The following DSC3 variants were observed in gnomAD, a reference collection of about 807,000 sequenced individuals.
DSC3 encodes desmocollin-3.
Under a neutral mutation model 89.5 loss-of-function variants are expected in DSC3, and 97 were observed. That is an observed-to-expected ratio of 1.08 (90% confidence interval 0.92 to 1.28). The LOEUF (loss-of-function observed/expected upper bound fraction) is 1.28, where lower values mean the gene tolerates loss of function less well. DSC3 is among the 50% of genes most tolerant of loss of function. DSC3 has a pLI of 0.00. For missense variants in DSC3, 1,199 were observed against 1,085.3 expected, an observed-to-expected ratio of 1.10 and a Z score of -1.47; for synonymous variants, 436 against 384.1, an observed-to-expected ratio of 1.14 and a Z score of -1.58.
intron 14 of DSC3, 118 bp from the exon 15 acceptor site, chr18:30,997,166 TCAACAGA>T: frequency 8.0e-7 from 1 of 1,253,244 alleles, no homozygotes; most frequent in Non-Finnish European, 1.1e-6. Flanking sequence ...ATTCATTCAT[TCAACAGA>T]CATTTATCAG....
rs1279857388 is a variant in DSC3, at chr18:31,026,022, G to T, written c.475-107C>A. 16 of 1,089,344 alleles carry T rather than the reference G, an allele frequency of 1.5e-5. No homozygotes were observed. In the African/African-American group the frequency reaches 2.6e-4, roughly 17 times the overall value. 67.5% of individuals were successfully genotyped at this position (1,089,344 alleles called of 1,614,324 possible). On this transcript the variant is annotated intron_variant, in intron 4 of 15. Coordinates refer to ENST00000360428, the MANE Select transcript of DSC3 (RefSeq NM_001941.5). Reference sequence around the variant, plus strand: ...TTATTTTAAAGAGATAATTTCAAAAGAAAAGGTAGAAAAGAACAATAATAA... The same window carrying T: ...TTATTTTAAAGAGATAATTTCAAAATAAAAGGTAGAAAAGAACAATAATAA...
At chr18:31,021,011 C>A (rs1055986754) in intron 7 of DSC3, among the ~76,000 whole-genome samples, 1 of 151,734 alleles carries the variant, frequency 6.6e-6, no homozygotes, top group African/African-American at 2.4e-5. Flanking sequence ...TTCCCGTATG[C>A]TTTAAGAATC....
chr18:31,021,366 A>G (rs1051862269), intron 7 of DSC3, among the ~76,000 whole-genome samples: 68 of 152,122 alleles, frequency 4.5e-4, no homozygotes, highest in African/African-American at 1.5e-3. Flanking sequence ...AAACTTTCCC[A>G]CTTACTATTA....
In DSC3 at chr18:31,018,617, A is replaced by G. The variant is rs1332523330; in HGVS notation, c.1077+49T>C. On this transcript the variant is annotated intron_variant, in intron 8 of 15. Transcript: ENST00000360428. ...AATTTTATTAATTCAGTTTAAATAA[A>G]AAATGATAGCAGATAAGACAGAGGC... 4 of 1,580,688 alleles carry G rather than the reference A, an allele frequency of 2.5e-6. No homozygotes were observed. The South Asian group carries it at 3.3e-5, about 13-fold the overall frequency.
intron 4 of DSC3, among the ~76,000 whole-genome samples, chr18:31,028,524 T>C (rs1273416201): frequency 6.6e-6 from 1 of 152,034 alleles, no homozygotes; most frequent in African/African-American, 2.4e-5. Flanking sequence ...AATAAAGTTA[T>C]AATATTCATG....
intron 5 of DSC3, 151 bp from the exon 6 acceptor site, chr18:31,024,644 A>C (rs1212223199): frequency 1.2e-6 from 1 of 829,016 alleles, no homozygotes; most frequent in East Asian, 2.7e-5. Context: ...TCAAAGCACC[A>C]AATGGAGAAA....
chr18:31,017,975 T>C lies in DSC3; in HGVS notation c.1263+96A>G. The C allele has an allele frequency of 6.6e-6, 7 of 1,055,764 alleles. No individual in the cohort carries two copies. The South Asian group carries it at 8.8e-5, about 13-fold the overall frequency. The allele number at this position is 1,055,764 out of a possible 1,614,324, so 65.4% of individuals were successfully genotyped here. On this transcript the variant is annotated intron_variant, in intron 9 of 15. Transcript: ENST00000360428. ...AATAGATTTTAAATTTTCTTCCAAC[T>C]TGTAGAGTCTATGGTCTGAAACTAT...
chr18:31,025,211 C>A (rs913893872), intron 5 of DSC3, among the ~76,000 whole-genome samples: 12 of 152,288 alleles, frequency 7.9e-5, no homozygotes, highest in Admixed American at 7.2e-4. Context: ...CCATATTACA[C>A]TGAAAATTAT....
In DSC3 at chr18:31,008,414, T is replaced by TA. The variant is rs1984941089; in HGVS notation, c.1374dup (p.Thr459TyrfsTer9). 4 of 1,614,056 alleles carry TA rather than the reference T, an allele frequency of 2.5e-6. No individual in the cohort carries two copies. Among genetic ancestry groups the TA allele is most frequent in the Admixed American group, 1.7e-5 (1 of 59,994 alleles). ...TCATCCAGATCCCTCACATGAACTGTAACCAAGGCTCTGTTCAAGGCTGTC... is the reference window on the plus strand; with the variant it reads ...TCATCCAGATCCCTCACATGAACTGTAAACCAAGGCTCTGTTCAAGGCTGTC... On this transcript the variant is annotated frameshift_variant, in exon 10 of 16. Coordinates refer to ENST00000360428, the MANE Select transcript of DSC3 (RefSeq NM_001941.5). LOFTEE classifies it high-confidence loss of function.
chr18:31,018,180 T>C lies in DSC3; in HGVS notation c.1154A>G (p.Asn385Ser), dbSNP rs199747563. 1 of 1,612,618 alleles carries C rather than the reference T, an allele frequency of 6.2e-7. No homozygotes were observed. Among genetic ancestry groups the C allele is most frequent in the African/African-American group, 1.3e-5 (1 of 75,006 alleles). Residue 385 changes from asparagine (N) to serine (S), a missense_variant, in exon 9 of 16, where the codon AAC becomes AGC. Physicochemically the swap from Asn to Ser is conservative, Grantham distance 46 (BLOSUM62 1). Coordinates refer to ENST00000360428, the MANE Select transcript of DSC3 (RefSeq NM_001941.5). Reference sequence around the variant, plus strand: ...AAAATTGACTCTCCAATTGGCAGTGTTAATTAAATCCTTATCTTCTATAGG... The same window carrying C: ...AAAATTGACTCTCCAATTGGCAGTGCTAATTAAATCCTTATCTTCTATAGG... ...RIPIEDKDLI[N>S]TANWRVNFTI...
intron 1 of DSC3, among the ~76,000 whole-genome samples, chr18:31,032,866 T>C (rs116467185): frequency 6.6e-6 from 1 of 152,012 alleles, no homozygotes; most frequent in African/African-American, 2.4e-5. Context: ...ATCAAAGGCA[T>C]CCAAATTGGA....
In DSC3 at chr18:30,995,578, G is replaced by A. The variant is rs185926498; in HGVS notation, c.2494-1206C>T. 2.7e-3 allele frequency among the ~76,000 whole-genome samples: 418 copies of A among 152,056 alleles called. 2 individuals are homozygous for A. The highest frequency in any genetic ancestry group is 9.6e-3 in the African/African-American group (399 of 41,474). On this transcript the variant is annotated intron_variant, in intron 15 of 15. Coordinates refer to ENST00000360428, the MANE Select transcript of DSC3 (RefSeq NM_001941.5). The stretch of plus-strand genomic sequence containing the variant: ...CCTAGCTGCACATTTGAATCATCTC[G>A]GAAATGTAAAACAAAAACAAAACAA...
At chr18:31,039,994 T>G (rs1221677708) in intron 1 of DSC3, among the ~76,000 whole-genome samples, 1 of 152,202 alleles carries the variant, frequency 6.6e-6, no homozygotes, top group African/African-American at 2.4e-5. Context: ...TAATTTAAAA[T>G]GATGAATATA....
chr18:30,996,689 G>A lies in DSC3; in HGVS notation c.2493+102C>T, dbSNP rs1404434665. 8.5e-6 allele frequency: 12 copies of A among 1,407,874 alleles called. No homozygotes were observed. The South Asian group carries it at 1.3e-4, about 15-fold the overall frequency. 87.2% of individuals were successfully genotyped at this position (1,407,874 alleles called of 1,614,324 possible). A position where few individuals can be genotyped will look rare whatever the true frequency, so the allele number is the denominator to read the frequency against. On this transcript the variant is annotated intron_variant, in intron 15 of 15. Coordinates refer to ENST00000360428, the MANE Select transcript of DSC3 (RefSeq NM_001941.5). ...GAAAATGAACAGAGCAAGCAAGAGA[G>A]AGCCCACAGAAAAATACAGAAAATA... is the stretch of plus-strand genomic sequence containing the variant.
chr18:31,019,220 C>G (rs926574788), intron 7 of DSC3, among the ~76,000 whole-genome samples: 11 of 151,958 alleles, frequency 7.2e-5, no homozygotes, highest in Admixed American at 2.0e-4. Flanking sequence ...CCTCAGCCTC[C>G]CTAGTAGCTG....
At chr18:31,002,172 A>G (rs1984685442) in intron 13 of DSC3, among the ~76,000 whole-genome samples, 1 of 152,214 alleles carries the variant, frequency 6.6e-6, no homozygotes. Context: ...CTTTATTGAA[A>G]CTACTTTGTA....
At chr18:31,024,696 T>C (rs1985538882) in intron 5 of DSC3, among the ~76,000 whole-genome samples, 1 of 152,162 alleles carries the variant, frequency 6.6e-6, no homozygotes, top group Admixed American at 6.6e-5. Context: ...TGGAAATGGC[T>C]ATCGCAAATA....
chr18:31,024,248 T>C, intron 6 of DSC3, 101 bp downstream of exon 6: 2 of 1,147,796 alleles, frequency 1.7e-6, no homozygotes, highest in Non-Finnish European at 2.4e-6. Flanking sequence ...TTCAGCGTTA[T>C]CTCAGGCTGA....
chr18:31,038,544 C>A (rs1194354237), intron 1 of DSC3, among the ~76,000 whole-genome samples: 1 of 152,114 alleles, frequency 6.6e-6, no homozygotes, highest in Non-Finnish European at 1.5e-5. Context: ...ACTTCCTTTT[C>A]ATTCCTAATA....
Sources: gnomAD v4.1 joint callset for allele counts (sites outside exome capture counted in the v4.1 genomes callset) on GRCh38, gnomAD v4.1.1 for gene constraint, MANE v1.5 for transcripts, NCBI Gene and HGNC (gene_info 2026-07-23, HGNC 2026-07-21) for gene names.